STK32C: variants seen among roughly 807,000 people sequenced by gnomAD.
The protein encoded by STK32C is serine/threonine kinase 32C.
STK32C carries 31 observed loss-of-function variants against 56.5 expected under a neutral mutation model. The observed-to-expected ratio is 0.55, with a 90% confidence interval of 0.41 to 0.74. The LOEUF (loss-of-function observed/expected upper bound fraction) is 0.74. Among genes scored for constraint, STK32C ranks in the 30% least tolerant of loss-of-function variants. The pLI is 0.00. For synonymous variants in STK32C, 309 were observed against 289.4 expected (o/e 1.07, Z -0.69); for missense variants, 544 against 676.9 (o/e 0.80, Z 2.18).
intron 1 of STK32C, among the ~76,000 whole-genome samples, chr10:132,257,355 G>C (rs550849054): frequency 3.1e-4 from 44 of 142,650 alleles, no homozygotes; most frequent in Admixed American, 8.2e-4. Flanking sequence ...CTCCCACAGA[G>C]GGAGACGGAG....
At chr10:132,324,444 A>G in intron 1 of STK32C, 1 of 703,268 alleles carries the variant, frequency 1.4e-6, no homozygotes, top group South Asian at 1.5e-5. Context: ...AATGTATTTC[A>G]GTTGTCACAT....
At chr10:132,305,878 C>T (rs1048425060) in intron 1 of STK32C, among the ~76,000 whole-genome samples, 1 of 152,200 alleles carries the variant, frequency 6.6e-6, no homozygotes, top group Non-Finnish European at 1.5e-5. Flanking sequence ...CCGGCGGGTG[C>T]TCAGTTTGGG....
At chr10:132,314,252 T>A (rs1018272757) in intron 1 of STK32C, among the ~76,000 whole-genome samples, 10 of 152,244 alleles carry the variant, frequency 6.6e-5, no homozygotes, top group African/African-American at 2.2e-4. Flanking sequence ...GATGTAAAAC[T>A]GCACAACTTA....
At position 132,221,451 on chromosome 10, in the gene STK32C, C is replaced by T. The variant is rs368266986; in HGVS notation, c.1251+1190G>A. 1.3e-4 allele frequency among the ~76,000 whole-genome samples: 19 copies of T among 146,058 alleles called. No individual in the cohort carries two copies. The East Asian group carries it at 2.7e-3, about 21-fold the overall frequency. ...CTTCACGTGGCCATCCCTGCACACA[C>T]TCACAACTGACATCAACGCACCTGG... On this transcript the variant is annotated intron_variant, in intron 10 of 11. Coordinates refer to ENST00000298630, the MANE Select transcript of STK32C (RefSeq NM_173575.4).
At position 132,263,055 on chromosome 10, in the gene STK32C, T is replaced by C. The variant is rs553016808; in HGVS notation, c.263-17100A>G. ...CAGTTTGAAGATTTCTCAAAAAATATAGAACTACCATTTGATCCAGCAATC... is the reference window on the plus strand; with the variant it reads ...CAGTTTGAAGATTTCTCAAAAAATACAGAACTACCATTTGATCCAGCAATC... On this transcript the variant is annotated intron_variant, in intron 1 of 11. Transcript: ENST00000298630. 3.3e-5 allele frequency among the ~76,000 whole-genome samples: 5 copies of C among 152,308 alleles called. No homozygotes were observed. In the South Asian group the frequency reaches 6.2e-4, roughly 19 times the overall value.
chr10:132,210,227 G>A (rs1039370848), intron 10 of STK32C, among the ~76,000 whole-genome samples: 16 of 152,162 alleles, frequency 1.1e-4, no homozygotes, highest in Non-Finnish European at 1.6e-4. Flanking sequence ...TCACAGTGTC[G>A]TCTGTGCCTC....
At chr10:132,328,148 A>G (rs566676638) in intron 1 of STK32C, among the ~76,000 whole-genome samples, 43 of 152,134 alleles carry the variant, frequency 2.8e-4, no homozygotes, top group Non-Finnish European at 5.7e-4. Context: ...CCGGAGTTCT[A>G]CTATTATTAC....
intron 1 of STK32C, among the ~76,000 whole-genome samples, chr10:132,293,054 C>T (rs2065618955): frequency 6.6e-6 from 1 of 152,238 alleles, no homozygotes; most frequent in Admixed American, 6.5e-5. Context: ...CAGAGGTGAG[C>T]AGCGAACGGC....
downstream of STK32C, among the ~76,000 whole-genome samples, chr10:132,320,058 C>G (rs1362220416): frequency 1.3e-5 from 2 of 151,066 alleles, no homozygotes. Flanking sequence ...AGACCTCATA[C>G]AGTATGGCAC....
chr10:132,260,393 G>A (rs904317031), intron 1 of STK32C, among the ~76,000 whole-genome samples: 8 of 151,996 alleles, frequency 5.3e-5, no homozygotes, highest in East Asian at 1.9e-4. Context: ...GAGCCAGCGC[G>A]AAATCCACCC....
At chr10:132,268,558 TGTGC>T (rs780412027) in intron 1 of STK32C, among the ~76,000 whole-genome samples, 1 of 143,044 alleles carries the variant, frequency 7.0e-6, no homozygotes, top group Non-Finnish European at 1.5e-5. Flanking sequence ...TGTGTGTGTG[TGTGC>T]CTGCGTGTGT....
At chr10:132,330,549 C>T (rs879071196) in intron 1 of STK32C, 25 of 715,012 alleles carry the variant, frequency 3.5e-5, no homozygotes, top group Non-Finnish European at 6.0e-5. Context: ...TCGCTGTCAC[C>T]GAAGCTGACA....
At chr10:132,240,472 G>A (rs2063462538) in intron 2 of STK32C, among the ~76,000 whole-genome samples, 3 of 152,210 alleles carry the variant, frequency 2.0e-5, no homozygotes, top group Non-Finnish European at 4.4e-5. Flanking sequence ...CACAGGCCCT[G>A]CACGGGGGCA....
At chr10:132,237,589 A>G (rs1565094567) in intron 2 of STK32C, among the ~76,000 whole-genome samples, 1 of 152,242 alleles carries the variant, frequency 6.6e-6, no homozygotes, top group Non-Finnish European at 1.5e-5. Context: ...TTGCTCCTGC[A>G]GTGGTGGCGG....
chr10:132,298,644 C>T (rs930956255), intron 1 of STK32C, among the ~76,000 whole-genome samples: 2 of 151,108 alleles, frequency 1.3e-5, no homozygotes, highest in Non-Finnish European at 2.9e-5. Flanking sequence ...GGGAGTTGAG[C>T]GCCGTGTGTG....
At chr10:132,260,606 C>A (rs1275061945) in intron 1 of STK32C, among the ~76,000 whole-genome samples, 3 of 152,216 alleles carry the variant, frequency 2.0e-5, no homozygotes, top group Non-Finnish European at 4.4e-5. Flanking sequence ...GACTGCTCTG[C>A]TTCCTCGGCC....
At position 132,307,926 on chromosome 10, in the gene STK32C, G is replaced by A. The variant is rs985739245; in HGVS notation, c.-93C>T. On this transcript the variant is annotated 5_prime_UTR_variant, in exon 1 of 12. Coordinates refer to ENST00000298630, the MANE Select transcript of STK32C (RefSeq NM_173575.4). The surrounding 1 kb of genome is among the most constrained non-coding windows in gnomAD (Gnocchi z 4.4). ...AGTGGTAGCGGGAGCGCTCGGGGCC[G>A]GCAGCGCCCGCCGTGCGCTCTTCTG... The A allele has an allele frequency of 3.7e-6, 4 of 1,077,098 alleles. No homozygotes were observed. The highest frequency in any genetic ancestry group is 2.3e-6 in the Non-Finnish European group (2 of 888,860). The allele number at this position is 1,077,098 out of a possible 1,614,324, so 66.7% of individuals were successfully genotyped here.
At chr10:132,278,047 G>C (rs1221517094) in intron 1 of STK32C, among the ~76,000 whole-genome samples, 1 of 152,158 alleles carries the variant, frequency 6.6e-6, no homozygotes, top group Admixed American at 6.5e-5. Context: ...GGGTGGTCTT[G>C]AGGGGGCAGC....
At chr10:132,221,018 G>A (rs776290758) in intron 10 of STK32C, among the ~76,000 whole-genome samples, 1 of 152,334 alleles carries the variant, frequency 6.6e-6, no homozygotes, top group African/African-American at 2.4e-5. Context: ...ATTTCATTAC[G>A]ACTCAGATCC....
Sources: gnomAD v4.1 joint callset for allele counts (sites outside exome capture counted in the v4.1 genomes callset) on GRCh38, gnomAD v4.1.1 for gene constraint, Gnocchi (gnomAD v3.1) non-coding constraint, MANE v1.5 for transcripts, NCBI Gene and HGNC (gene_info 2026-07-23, HGNC 2026-07-21) for gene names.